The following TEX11 variants were observed in gnomAD, a reference collection of about 807,000 sequenced individuals.
TEX11 encodes testis-expressed protein 11.
Under a neutral mutation model 84.4 loss-of-function variants are expected in TEX11, and 7 were observed. That is an observed-to-expected ratio of 0.08 (90% CI 0.05 to 0.16). The LOEUF is 0.16. Among genes scored for constraint, TEX11 ranks in the 10% least tolerant of loss-of-function variants. TEX11 has a pLI of 1.00. For synonymous variants in TEX11, 264 were observed against 222.8 expected (o/e 1.18, Z -1.64); for missense variants, 551 against 660.5 (o/e 0.83, Z 1.82).
intron 13 of TEX11, among the ~76,000 whole-genome samples, chrX:70,691,553 T>C (rs1175645814): frequency 1.8e-5 from 2 of 111,439 alleles, no homozygotes; most frequent in African/African-American, 3.3e-5. Context: ...AAGTGAAATA[T>C]GTCAGACACG....
Position 70,529,167 on chromosome X carries a change from C to A in TEX11, c.2706G>T (p.Gln902His). Residue 902 changes from glutamine (Q) to histidine (H), a missense_variant, in exon 30 of 30, where the codon CAG (glutamine) becomes CAT (histidine). Coordinates refer to ENST00000374333, the MANE Select transcript of TEX11 (RefSeq NM_031276.3). ...YETQMNMLYS[Q>H]LVEALSNNKG... is the part of the protein sequence containing the mutation. ...TGTTGTTACTCAATGCTTCCACAAG[C>A]TGACTATACAGCATATTCATCTGGG... 8.3e-7 allele frequency: 1 copy of A among 1,206,169 alleles called. No individual in the cohort carries two copies. The highest frequency in any genetic ancestry group is 3.0e-5 in the East Asian group (1 of 33,787).
intron 7 of TEX11, among the ~76,000 whole-genome samples, chrX:70,844,848 C>A (rs1439514263): frequency 9.1e-6 from 1 of 110,007 alleles, no homozygotes; most frequent in African/African-American, 3.3e-5. Context: ...GGCATGAGAA[C>A]CGCTTGAACC....
intron 2 of TEX11, among the ~76,000 whole-genome samples, chrX:70,905,851 A>G (rs1460455530): frequency 9.4e-6 from 1 of 105,984 alleles, no homozygotes; most frequent in Non-Finnish European, 1.9e-5. Context: ...CAGGAGTTTG[A>G]GACCAGCCTG....
chrX:70,900,726 G>A (rs2091798784), intron 2 of TEX11, among the ~76,000 whole-genome samples: 1 of 111,100 alleles, frequency 9.0e-6, no homozygotes, highest in Admixed American at 9.7e-5. Context: ...GGCTGAGGTG[G>A]GTGGATCACT....
chrX:70,686,096 A>T (rs1401924457), intron 13 of TEX11, among the ~76,000 whole-genome samples: 2 of 111,522 alleles, frequency 1.8e-5, no homozygotes, highest in Non-Finnish European at 3.8e-5. Context: ...TGTCAATTTC[A>T]GCTTTTGTTC....
intron 28 of TEX11, among the ~76,000 whole-genome samples, chrX:70,545,246 C>T (rs2088106899): frequency 8.9e-6 from 1 of 112,292 alleles, no homozygotes; most frequent in Non-Finnish European, 1.9e-5. Context: ...CTTTTTGACT[C>T]TTTTGTAATA....
chrX:70,597,626 G>T lies in TEX11; in HGVS notation c.2068-5803C>A, dbSNP rs781205653. On this transcript the variant is annotated intron_variant, in intron 24 of 29. Coordinates refer to ENST00000374333, the MANE Select transcript of TEX11 (RefSeq NM_031276.3). ...CATACACAAAAATTAACTCAAAATGGATCACAGATCTACATGTAAGAGCTG... is the reference window on the plus strand; with the variant it reads ...CATACACAAAAATTAACTCAAAATGTATCACAGATCTACATGTAAGAGCTG... Among the ~76,000 whole-genome samples, 7 of 111,154 alleles carry T rather than the reference G, an allele frequency of 6.3e-5. No homozygotes were observed. In the East Asian group the frequency reaches 2.0e-3, roughly 31 times the overall value.
At chrX:70,880,330 T>TAATC (rs1241925931) in intron 2 of TEX11, among the ~76,000 whole-genome samples, 1 of 112,250 alleles carries the variant, frequency 8.9e-6, no homozygotes, top group Non-Finnish European at 1.9e-5. Flanking sequence ...GTTTATAACT[T>TAATC]AATCATTACT....
intron 25 of TEX11, among the ~76,000 whole-genome samples, chrX:70,562,054 T>C (rs2088383453): frequency 8.9e-6 from 1 of 111,900 alleles, no homozygotes; most frequent in South Asian, 3.8e-4. Flanking sequence ...GCCACACTCA[T>C]CCACATCTGT....
intron 2 of TEX11, among the ~76,000 whole-genome samples, chrX:70,892,822 A>G (rs750165064): frequency 9.0e-6 from 1 of 110,676 alleles, no homozygotes; most frequent in African/African-American, 3.3e-5. Flanking sequence ...TCACGTGCAA[A>G]GACACACAGA....
rs756997139 is a variant in TEX11, at chrX:70,860,934, G to T, written c.247C>A (p.His83Asn). 2.7e-5 allele frequency: 31 copies of T among 1,157,517 alleles called. No individual in the cohort carries two copies. In the Admixed American group the frequency reaches 7.7e-4, roughly 29 times the overall value. ...CTCAGCAACTTGCAAGCAACATAAT[G>T]TACTGCAAAACAGTAATTAGACAAT... ...LVNEEQKIRL[H>N]YVACKLLSMC... Residue 83 changes from histidine (H) to asparagine (N), a missense_variant and splice_region_variant, in exon 5 of 30, where the codon CAT becomes AAT. By Grantham distance (68) the His-to-Asn change is moderately conservative. Transcript: ENST00000374333.
chrX:70,840,980 C>G (rs1196412228), intron 7 of TEX11, among the ~76,000 whole-genome samples: 3 of 110,727 alleles, frequency 2.7e-5, no homozygotes, highest in Non-Finnish European at 5.7e-5. Flanking sequence ...ATTCATAAAG[C>G]AAGTCCTGAG....
intron 9 of TEX11, among the ~76,000 whole-genome samples, chrX:70,752,327 C>G (rs1369747627): frequency 1.8e-5 from 2 of 109,144 alleles, no homozygotes; most frequent in African/African-American, 3.3e-5. Context: ...GAGTTGGAGA[C>G]CAGCTTGGCC....
At chrX:70,788,993 G>T (rs1244654912) in intron 9 of TEX11, among the ~76,000 whole-genome samples, 8 of 81,926 alleles carry the variant, frequency 9.8e-5, no homozygotes, top group Non-Finnish European at 1.7e-4. Context: ...GAGAGAGAGA[G>T]AGAGAGAGAG....
intron 2 of TEX11, among the ~76,000 whole-genome samples, chrX:70,885,799 G>A (rs1159768584): frequency 9.5e-6 from 1 of 105,599 alleles, no homozygotes; most frequent in Non-Finnish European, 1.9e-5. Flanking sequence ...GCTGAAGCAG[G>A]AGAATTGCTC....
At chrX:70,811,639 CCAA>C (rs1313878910) in intron 8 of TEX11, among the ~76,000 whole-genome samples, 1 of 111,134 alleles carries the variant, frequency 9.0e-6, no homozygotes, top group African/African-American at 3.3e-5. Flanking sequence ...TACAGTCCCA[CCAA>C]CAGTGTAAAA....
At chrX:70,897,679 A>AAAC (rs2091778990) in intron 2 of TEX11, 29 of 75,696 alleles carry the variant, frequency 3.8e-4, no homozygotes, top group African/African-American at 5.1e-4. Flanking sequence ...CAAAGAAAGA[A>AAAC]AAAGAAAGAA....
At chrX:70,598,717 A>T (rs2089044350) in intron 24 of TEX11, among the ~76,000 whole-genome samples, 1 of 112,312 alleles carries the variant, frequency 8.9e-6, no homozygotes, top group Non-Finnish European at 1.9e-5. Context: ...ACATGCTACA[A>T]CACAAAGAAC....
chrX:70,578,899 T>C (rs1338713753), intron 25 of TEX11, among the ~76,000 whole-genome samples: 2 of 105,568 alleles, frequency 1.9e-5, no homozygotes, highest in Non-Finnish European at 3.9e-5. Flanking sequence ...GCCTTCCAAG[T>C]AGCTGGGATT....
Sources: gnomAD v4.1 joint callset for allele counts (sites outside exome capture counted in the v4.1 genomes callset) on GRCh38, gnomAD v4.1.1 for gene constraint, MANE v1.5 for transcripts, NCBI Gene and HGNC (gene_info 2026-07-23, HGNC 2026-07-21) for gene names.